Variants in DARS1 observed in about 807,000 individuals in gnomAD.
DARS1 encodes the protein aspartyl-tRNA synthetase 1.
In DARS1, 51 loss-of-function variants were observed where a neutral mutation model predicts 68.8. The observed-to-expected ratio is 0.74, with a 90% CI of 0.59 to 0.94. The LOEUF is 0.94. DARS1 is among the 40% of genes least tolerant of loss of function. DARS1 has a pLI of 0.00. For missense variants in DARS1, 607 were observed against 597.3 expected (o/e 1.02, Z -0.17); for synonymous variants, 203 against 190.4 (o/e 1.07, Z -0.55).
chr2:135,937,561 A>G (rs1398092731), intron 5 of DARS1, among the ~76,000 whole-genome samples: 1 of 152,006 alleles, frequency 6.6e-6, no homozygotes, highest in Non-Finnish European at 1.5e-5. Context: ...CATCATCGTT[A>G]GTTGATGCAG....
rs1680887154 is a variant in DARS1, at chr2:135,911,128, C to T, written c.1414+11G>A. The T allele has an allele frequency of 2.5e-6, 3 of 1,212,192 alleles. No individual in the cohort carries two copies. The highest frequency in any genetic ancestry group is 3.7e-6 in the Non-Finnish European group (3 of 817,438). The allele number at this position is 1,212,192 out of a possible 1,614,324, so 75.1% of individuals were successfully genotyped here. A position where few individuals can be genotyped will look rare whatever the true frequency, so the allele number is the denominator to read the frequency against. ...TTATGAACTTATTTGTAAGCAATAACAGAATATTACCAATGCCTCCACCAG... is the reference window on the plus strand; with the variant it reads ...TTATGAACTTATTTGTAAGCAATAATAGAATATTACCAATGCCTCCACCAG... On this transcript the variant is annotated intron_variant, in intron 15 of 15. Transcript: ENST00000264161.
At chr2:135,964,026 G>T (rs1682159518) in intron 3 of DARS1, among the ~76,000 whole-genome samples, 1 of 152,294 alleles carries the variant, frequency 6.6e-6, no homozygotes, top group East Asian at 1.9e-4. Context: ...CTACTTATTT[G>T]ATGATTAATT....
chr2:135,961,371 C>A (rs1216491948), intron 4 of DARS1, 25 bp downstream of exon 4: 4 of 999,686 alleles, frequency 4.0e-6, no homozygotes, highest in South Asian at 1.3e-5. Flanking sequence ...TTTATTCTGA[C>A]AACAGGATAT....
chr2:135,932,727 C>G, intron 7 of DARS1, 56 bp downstream of exon 7: 1 of 840,346 alleles, frequency 1.2e-6, no homozygotes, highest in South Asian at 1.5e-5. Context: ...GTATGGTATC[C>G]CTGCCCCTCT....
At chr2:135,973,414 A>G (rs538120914) in intron 3 of DARS1, among the ~76,000 whole-genome samples, 2 of 152,178 alleles carry the variant, frequency 1.3e-5, no homozygotes, top group African/African-American at 2.4e-5. Context: ...GATAGTTAAC[A>G]GAGGCTGGGA....
At chr2:135,919,490 G>A (rs1681071035) in intron 10 of DARS1, among the ~76,000 whole-genome samples, 2 of 152,172 alleles carry the variant, frequency 1.3e-5, no homozygotes, top group Non-Finnish European at 2.9e-5. Flanking sequence ...ATGATCTTCT[G>A]TCACTTATTA....
At chr2:135,942,838 C>T (rs957932652) in intron 5 of DARS1, among the ~76,000 whole-genome samples, 1 of 152,132 alleles carries the variant, frequency 6.6e-6, no homozygotes, top group African/African-American at 2.4e-5. Flanking sequence ...GCAATACTTC[C>T]TCTTGCTCCT....
chr2:135,908,096 A>T (rs1419378987), intron 15 of DARS1, among the ~76,000 whole-genome samples: 1 of 152,246 alleles, frequency 6.6e-6, no homozygotes, highest in Non-Finnish European at 1.5e-5. Context: ...ATTAAGTAAA[A>T]AATGCAAAGT....
At chr2:135,924,643 G>A (rs1420146356) in intron 7 of DARS1, 145 bp from the exon 8 acceptor site, 16 of 1,263,438 alleles carry the variant, frequency 1.3e-5, no homozygotes, top group East Asian at 6.1e-5. Context: ...GAAAGGACAC[G>A]AATAAATACA....
chr2:135,907,471 T>C, intron 15 of DARS1, 64 bp from the exon 16 acceptor site: 1 of 1,058,212 alleles, frequency 9.4e-7, no homozygotes, highest in Non-Finnish European at 1.4e-6. Flanking sequence ...TACTTAGAAC[T>C]ACAAACATAA....
intron 7 of DARS1, among the ~76,000 whole-genome samples, chr2:135,931,390 T>C (rs986966143): frequency 5.3e-5 from 8 of 152,132 alleles, no homozygotes; most frequent in Middle Eastern, 3.4e-3. Flanking sequence ...ATGCATGCCA[T>C]CATACTTGGC....
At chr2:135,978,427 GC>G (rs1682550230) in intron 3 of DARS1, among the ~76,000 whole-genome samples, 1 of 152,186 alleles carries the variant, frequency 6.6e-6, no homozygotes, top group African/African-American at 2.4e-5. Flanking sequence ...TGGGCAAGTA[GC>G]TTCATTCTGA....
chr2:135,985,164 A>T, intron 1 of DARS1: 1 of 582,868 alleles, frequency 1.7e-6, no homozygotes. Context: ...CGTCCTCCCC[A>T]CCCCGGGGAC....
chr2:135,979,408 T>C (rs1209640974), intron 2 of DARS1, 42 bp from the exon 3 acceptor site: 1 of 854,272 alleles, frequency 1.2e-6, no homozygotes, highest in South Asian at 1.4e-5. Context: ...AAAATAATTT[T>C]TAAATTCAGA....
chr2:135,958,964 T>C (rs1682038731), intron 4 of DARS1, among the ~76,000 whole-genome samples: 1 of 151,830 alleles, frequency 6.6e-6, no homozygotes, highest in Admixed American at 6.6e-5. Flanking sequence ...TAGCTGCATG[T>C]CCTTTGCTTA....
chr2:135,960,820 T>C (rs1187417385), intron 4 of DARS1, among the ~76,000 whole-genome samples: 1 of 152,128 alleles, frequency 6.6e-6, no homozygotes, highest in African/African-American at 2.4e-5. Flanking sequence ...AACAAAACAA[T>C]GTGCTGCTTC....
At position 135,957,558 on chromosome 2, in the gene DARS1, C is replaced by T. The variant is rs767607195; in HGVS notation, c.320+3838G>A. 7.2e-5 allele frequency among the ~76,000 whole-genome samples: 11 copies of T among 152,076 alleles called. No homozygotes were observed. The East Asian group carries it at 9.6e-4, about 13-fold the overall frequency. Reference sequence around the variant, plus strand: ...AATTTTTTTGGTAGAGATGGGGTTTCGCCATGTTGGCCAGGCTGGTCTCAA... The same window carrying T: ...AATTTTTTTGGTAGAGATGGGGTTTTGCCATGTTGGCCAGGCTGGTCTCAA... On this transcript the variant is annotated intron_variant, in intron 4 of 15. Transcript: ENST00000264161.
At chr2:135,932,496 G>C (rs1357243689) in intron 7 of DARS1, among the ~76,000 whole-genome samples, 1 of 152,060 alleles carries the variant, frequency 6.6e-6, no homozygotes, top group East Asian at 1.9e-4. Context: ...TGAATAACTT[G>C]TCTAAAAAAG....
intron 2 of DARS1, among the ~76,000 whole-genome samples, chr2:135,981,362 C>T (rs1167688383): frequency 2.0e-5 from 3 of 152,112 alleles, no homozygotes; most frequent in African/African-American, 7.2e-5. Context: ...GGAATATCAT[C>T]CCCTATACTC....
Sources: gnomAD v4.1 joint callset for allele counts (sites outside exome capture counted in the v4.1 genomes callset) on GRCh38, gnomAD v4.1.1 for gene constraint, MANE v1.5 for transcripts, NCBI Gene and HGNC (gene_info 2026-07-23, HGNC 2026-07-21) for gene names.